Variants in EPHA6 observed in about 807,000 individuals in gnomAD.
EPHA6 encodes EPH receptor A6.
Under a neutral mutation model 112.0 loss-of-function variants are expected in EPHA6, and 50 were observed. The observed-to-expected ratio is 0.45, with a 90% CI of 0.36 to 0.56. The LOEUF (loss-of-function observed/expected upper bound fraction) is 0.56. EPHA6 is among the 20% of genes least tolerant of loss of function. The pLI is 0.00. For missense variants in EPHA6, 1,280 were observed against 1,417.4 expected (o/e 0.90, Z 1.56); for synonymous variants, 529 against 490.7 (o/e 1.08, Z -1.03).
At chr3:96,986,006 T>C (rs1026776517) in intron 2 of EPHA6, among the ~76,000 whole-genome samples, 5 of 152,154 alleles carry the variant, frequency 3.3e-5, no homozygotes, top group Non-Finnish European at 5.9e-5. Context: ...AACCATTTGT[T>C]GTTTTCAGTA....
At chr3:97,458,067 CAAAAAAAAAAAA>C (rs68128372) in intron 7 of EPHA6, among the ~76,000 whole-genome samples, 6 of 50,592 alleles carry the variant, frequency 1.2e-4, no homozygotes, top group African/African-American at 9.0e-5. Flanking sequence ...GACTCCGTCT[CAAAAAAAAAAAA>C]AAAAAAAAAA....
chr3:97,629,445 T>G (rs1452830061), intron 13 of EPHA6, among the ~76,000 whole-genome samples: 1 of 151,964 alleles, frequency 6.6e-6, no homozygotes, highest in Non-Finnish European at 1.5e-5. Context: ...ATGAGTGAAC[T>G]TTTTTGTAAA....
chr3:97,224,622 A>G (rs1000516821), intron 3 of EPHA6, among the ~76,000 whole-genome samples: 2 of 152,186 alleles, frequency 1.3e-5, no homozygotes, highest in Admixed American at 6.5e-5. Flanking sequence ...TAGGTTCTAT[A>G]TATGTACATG....
chr3:97,000,203 T>C (rs1169498562), intron 3 of EPHA6, among the ~76,000 whole-genome samples: 2 of 151,542 alleles, frequency 1.3e-5, no homozygotes, highest in African/African-American at 4.8e-5. Flanking sequence ...GCTAAGTTAA[T>C]GTCACTTATT....
At chr3:97,630,754 T>G (rs1009312284) in intron 13 of EPHA6, among the ~76,000 whole-genome samples, 1 of 152,052 alleles carries the variant, frequency 6.6e-6, no homozygotes, top group Admixed American at 6.6e-5. Context: ...GGAAAGTGTG[T>G]TTTCCTTCCC....
intron 3 of EPHA6, among the ~76,000 whole-genome samples, chr3:97,215,828 G>T (rs2078020140): frequency 1.3e-5 from 2 of 152,110 alleles, no homozygotes; most frequent in Non-Finnish European, 2.9e-5. Context: ...TTTGTAATTT[G>T]ATTATTCTTA....
intron 5 of EPHA6, among the ~76,000 whole-genome samples, chr3:97,370,903 G>A (rs2085012785): frequency 6.6e-6 from 1 of 152,028 alleles, no homozygotes; most frequent in African/African-American, 2.4e-5. Flanking sequence ...GCTAATGAGA[G>A]GTAGAGCTGG....
chr3:97,161,637 A>T (rs2076417901), intron 3 of EPHA6, among the ~76,000 whole-genome samples: 1 of 152,154 alleles, frequency 6.6e-6, no homozygotes, highest in African/African-American at 2.4e-5. Context: ...TGGCGGCAGG[A>T]GAGGTCAGAT....
intron 3 of EPHA6, among the ~76,000 whole-genome samples, chr3:97,219,907 A>T (rs1053566307): frequency 1.3e-5 from 2 of 152,194 alleles, no homozygotes; most frequent in East Asian, 3.9e-4. Context: ...CTCTTTGTGA[A>T]TGTATAAAAC....
chr3:97,545,537 C>T (rs536047190), intron 11 of EPHA6, among the ~76,000 whole-genome samples: 5 of 152,126 alleles, frequency 3.3e-5, no homozygotes, highest in East Asian at 1.9e-4. Context: ...AGAATGTATA[C>T]TCTGTTGATT....
intron 2 of EPHA6, among the ~76,000 whole-genome samples, chr3:96,920,352 T>A (rs566767856): frequency 6.6e-6 from 1 of 152,066 alleles, no homozygotes; most frequent in Admixed American, 6.6e-5. Context: ...ATTAGAAAAA[T>A]GCCCTTATAT....
chr3:97,022,941 G>A (rs531234413), intron 3 of EPHA6, among the ~76,000 whole-genome samples: 57 of 152,310 alleles, frequency 3.7e-4, no homozygotes, highest in African/African-American at 1.3e-3. Context: ...ATGCCCAAGA[G>A]TAGTTCATAT....
At chr3:97,306,436 A>C (rs2081323755) in intron 5 of EPHA6, among the ~76,000 whole-genome samples, 1 of 151,720 alleles carries the variant, frequency 6.6e-6, no homozygotes, top group Non-Finnish European at 1.5e-5. Context: ...AGACCCCAGC[A>C]GGGAGAAATG....
intron 3 of EPHA6, among the ~76,000 whole-genome samples, chr3:97,060,923 CAAAA>C (rs71623565): frequency 1.9e-4 from 4 of 21,242 alleles, no homozygotes; most frequent in East Asian, 1.6e-3. Flanking sequence ...GACTCCGTCT[CAAAA>C]AAAAAAAAAA....
intron 3 of EPHA6, among the ~76,000 whole-genome samples, chr3:97,219,935 A>G (rs1181382370): frequency 6.6e-6 from 1 of 152,208 alleles, no homozygotes; most frequent in Non-Finnish European, 1.5e-5. Context: ...TTTTAAGAGC[A>G]CCCAAGTAAC....
chr3:97,327,603 T>C (rs975149884), intron 5 of EPHA6, among the ~76,000 whole-genome samples: 1 of 151,914 alleles, frequency 6.6e-6, no homozygotes, highest in African/African-American at 2.4e-5. Context: ...ACGTTGCTTT[T>C]TAATAATCAC....
At chr3:97,406,357 T>A (rs1577269611) in intron 6 of EPHA6, among the ~76,000 whole-genome samples, 1 of 152,110 alleles carries the variant, frequency 6.6e-6, no homozygotes, top group East Asian at 1.9e-4. Flanking sequence ...TGGTTATTGA[T>A]CTCATTGTGG....
At chr3:97,462,600 A>G (rs1055039417) in intron 7 of EPHA6, among the ~76,000 whole-genome samples, 1 of 152,196 alleles carries the variant, frequency 6.6e-6, no homozygotes, top group African/African-American at 2.4e-5. Context: ...AAACAAGCTT[A>G]GCTATATATT....
intron 15 of EPHA6, among the ~76,000 whole-genome samples, chr3:97,722,034 G>T (rs2034553772): frequency 6.6e-6 from 1 of 152,100 alleles, no homozygotes; most frequent in Non-Finnish European, 1.5e-5. Flanking sequence ...TCAAGCAAAT[G>T]CCCAGAATAA....
Sources: gnomAD v4.1 joint callset for allele counts (sites outside exome capture counted in the v4.1 genomes callset) on GRCh38, gnomAD v4.1.1 for gene constraint, MANE v1.5 for transcripts, NCBI Gene and HGNC (gene_info 2026-07-23, HGNC 2026-07-21) for gene names.